TTC28: variants seen among roughly 807,000 people sequenced by gnomAD.
The protein encoded by TTC28 is tetratricopeptide repeat domain 28.
TTC28 carries 61 observed loss-of-function variants against 198.0 expected under a neutral mutation model. That is an observed-to-expected ratio of 0.31 (90% CI 0.25 to 0.38). TTC28 has a LOEUF of 0.38. Ranked by LOEUF, TTC28 falls within the 10% of genes least tolerant of loss-of-function variation. TTC28 has a pLI of 1.00. For synonymous variants in TTC28, 1,171 were observed against 1,297.8 expected (o/e 0.90, Z 2.10); for missense variants, 2,678 against 3,164.0 (o/e 0.85, Z 3.69).
chr22:28,569,151 CAAATAAATAAAT>C (rs33998799), intron 2 of TTC28, among the ~76,000 whole-genome samples: 199 of 136,046 alleles, frequency 1.5e-3, no homozygotes, highest in African/African-American at 3.3e-3. Flanking sequence ...TGTTCTGTCT[CAAATAAATAAAT>C]AAATAAATAA....
chr22:27,993,003 G>T, intron 18 of TTC28: 1 of 559,790 alleles, frequency 1.8e-6, no homozygotes. Flanking sequence ...GACAATGGCA[G>T]TAGTGGCCAG....
chr22:28,556,527 CCATCTTTTCTT>C (rs2049789352), intron 2 of TTC28, among the ~76,000 whole-genome samples: 1 of 152,174 alleles, frequency 6.6e-6, no homozygotes, highest in Non-Finnish European at 1.5e-5. Flanking sequence ...TCTAAGTAAT[CCATCTTTTCTT>C]TCTGGTTACT....
intron 2 of TTC28, among the ~76,000 whole-genome samples, chr22:28,598,453 G>A (rs2050577606): frequency 7.2e-6 from 1 of 139,240 alleles, no homozygotes; most frequent in Admixed American, 8.0e-5. Flanking sequence ...AGCTTGCAGT[G>A]AGCTGAGATC....
chr22:28,603,083 G>A (rs1398685336), intron 2 of TTC28, among the ~76,000 whole-genome samples: 2 of 152,010 alleles, frequency 1.3e-5, no homozygotes, highest in Middle Eastern at 3.2e-3. Flanking sequence ...GTTTCACCAC[G>A]TTGGCCAGGA....
chr22:28,014,724 A>G (rs1295578367), intron 13 of TTC28, among the ~76,000 whole-genome samples: 1 of 152,198 alleles, frequency 6.6e-6, no homozygotes, highest in Non-Finnish European at 1.5e-5. Context: ...AAACGTGAGG[A>G]CCATTAGGAA....
intron 12 of TTC28, among the ~76,000 whole-genome samples, chr22:28,085,280 AAAG>A (rs1199733135): frequency 2.0e-5 from 3 of 152,180 alleles, no homozygotes; most frequent in Non-Finnish European, 4.4e-5. Context: ...GGTTACCCAC[AAAG>A]GGAAGCCCAT....
chr22:28,087,189 C>T (rs1941639709), intron 12 of TTC28, among the ~76,000 whole-genome samples: 1 of 152,062 alleles, frequency 6.6e-6, no homozygotes. Context: ...GATACCAAAG[C>T]CGGGCAGAGA....
chr22:28,182,602 G>T (rs1923803556), intron 5 of TTC28, among the ~76,000 whole-genome samples: 1 of 152,104 alleles, frequency 6.6e-6, no homozygotes, highest in Non-Finnish European at 1.5e-5. Flanking sequence ...AGAACTTCTG[G>T]CTTCCATCCA....
chr22:28,043,679 T>C (rs1481444791), intron 12 of TTC28, among the ~76,000 whole-genome samples: 1 of 152,206 alleles, frequency 6.6e-6, no homozygotes, highest in Non-Finnish European at 1.5e-5. Flanking sequence ...CTCACCCATA[T>C]AACCTTATTA....
intron 2 of TTC28, among the ~76,000 whole-genome samples, chr22:28,488,418 T>G (rs1601460186): frequency 6.6e-6 from 1 of 152,308 alleles, no homozygotes; most frequent in African/African-American, 2.4e-5. Context: ...GTTCTGGCCT[T>G]CAAGCAGTGA....
rs1359953698 is a variant in TTC28 at position 28,032,220 on chromosome 22, A to AATATATATATATAAAAT, written c.3933-1871_3933-1855dup. Among the ~76,000 whole-genome samples, 297 of 107,238 alleles carry AATATATATATATAAAAT rather than the reference A, an allele frequency of 2.8e-3. 2 individuals are homozygous for AATATATATATATAAAAT. Among genetic ancestry groups the AATATATATATATAAAAT allele is most frequent in the African/African-American group, 0.011 (272 of 24,266 alleles). 70.4% of individuals were successfully genotyped at this position (107,238 alleles called of 152,430 possible). On this transcript the variant is annotated intron_variant, in intron 12 of 22. Coordinates refer to ENST00000397906, the MANE Select transcript of TTC28 (RefSeq NM_001145418.2). The stretch of plus-strand genomic sequence containing the variant: ...ATATATATAAAATATATATATATAA[A>AATATATATATATAAAAT]ATATATATATATAAAATATATATAT...
intron 5 of TTC28, among the ~76,000 whole-genome samples, chr22:28,218,924 A>G (rs1927622188): frequency 6.6e-6 from 1 of 151,620 alleles, no homozygotes; most frequent in Non-Finnish European, 1.5e-5. Flanking sequence ...TCCCACCATT[A>G]CTTTTATACC....
intron 6 of TTC28, among the ~76,000 whole-genome samples, chr22:28,158,563 A>G (rs1328144780): frequency 1.3e-5 from 2 of 152,196 alleles, no homozygotes; most frequent in East Asian, 3.8e-4. Flanking sequence ...ATAAAAACAG[A>G]CACACAGACC....
At chr22:28,555,746 G>A (rs183991011) in intron 2 of TTC28, among the ~76,000 whole-genome samples, 215 of 152,160 alleles carry the variant, frequency 1.4e-3, no homozygotes, top group Non-Finnish European at 2.6e-3. Flanking sequence ...CATGCTGCTC[G>A]GGCGATGGGT....
rs556761365 is a variant in TTC28, at chr22:28,579,630, G to T, written c.381+49922C>A. Among the ~76,000 whole-genome samples, 5 of 150,736 alleles carry T rather than the reference G, an allele frequency of 3.3e-5. No individual in the cohort carries two copies. In the South Asian group the frequency reaches 1.0e-3, roughly 31 times the overall value. ...ATTATATAGTCACATATACAAATGT[G>T]TGTGTGTGTGTGTGTGTATAAATAC... On this transcript the variant is annotated intron_variant, in intron 2 of 22. Coordinates refer to ENST00000397906, the MANE Select transcript of TTC28 (RefSeq NM_001145418.2).
intron 5 of TTC28, among the ~76,000 whole-genome samples, chr22:28,289,612 T>C (rs1027880151): frequency 1.3e-5 from 2 of 152,004 alleles, no homozygotes; most frequent in African/African-American, 4.8e-5. Flanking sequence ...GCAGGAGGAC[T>C]GCCTGAGGCC....
At chr22:28,172,611 T>C (rs1196144220) in intron 5 of TTC28, among the ~76,000 whole-genome samples, 1 of 152,180 alleles carries the variant, frequency 6.6e-6, no homozygotes, top group Non-Finnish European at 1.5e-5. Flanking sequence ...TATTTGGGCA[T>C]TTCCCCTCTG....
chr22:28,175,682 G>A (rs574796309), intron 5 of TTC28, among the ~76,000 whole-genome samples: 20 of 152,132 alleles, frequency 1.3e-4, no homozygotes, highest in African/African-American at 4.3e-4. Flanking sequence ...GCAGTGAGCC[G>A]AGATGGCACC....
intron 2 of TTC28, among the ~76,000 whole-genome samples, chr22:28,477,225 T>C (rs2048179877): frequency 6.6e-6 from 1 of 152,188 alleles, no homozygotes; most frequent in Non-Finnish European, 1.5e-5. Context: ...TCAAAACTCA[T>C]CTGTGTATTT....
Sources: gnomAD v4.1 joint callset for allele counts (sites outside exome capture counted in the v4.1 genomes callset) on GRCh38, gnomAD v4.1.1 for gene constraint, MANE v1.5 for transcripts, NCBI Gene and HGNC (gene_info 2026-07-23, HGNC 2026-07-21) for gene names.